LINGO2: variants seen among roughly 807,000 people sequenced by gnomAD.
LINGO2 encodes the protein leucine rich repeat and Ig domain containing 2, also known as leucine-rich repeat and immunoglobulin-like domain-containing nogo receptor-interacting protein 2.
A neutral mutation model predicts 30.6 loss-of-function variants in LINGO2; 14 were observed. The ratio of observed to expected loss-of-function variants is 0.46; its 90% confidence interval spans 0.30 to 0.72. The LOEUF (loss-of-function observed/expected upper bound fraction) is 0.72, where lower values mean the gene tolerates loss of function less well. Ranked by LOEUF, LINGO2 falls within the 30% of genes least tolerant of loss-of-function variation. LINGO2 has a pLI of 0.07. For missense variants in LINGO2, 729 were observed against 751.7 expected (o/e 0.97, Z 0.35); for synonymous variants, 317 against 288.5 (o/e 1.10, Z -1.00).
the LINGO2 span, among the ~76,000 whole-genome samples, chr9:28,904,937 A>G: frequency 6.6e-6 from 1 of 152,048 alleles, no homozygotes; most frequent in Non-Finnish European, 1.5e-5. Context: ...GACACTGACC[A>G]AGGAAACACA....
intron 4 of LINGO2, among the ~76,000 whole-genome samples, chr9:28,150,678 G>A (rs1587091517): frequency 2.6e-5 from 4 of 152,146 alleles, no homozygotes; most frequent in South Asian, 4.1e-4. Context: ...CTTTTTCCTC[G>A]ACTGTAAGAT....
chr9:28,343,054 C>T (rs1022944881), intron 3 of LINGO2, among the ~76,000 whole-genome samples: 6 of 152,092 alleles, frequency 3.9e-5, no homozygotes, highest in Admixed American at 3.9e-4. Context: ...CCCAGGGTTT[C>T]CATATGGTCA....
intron 1 of LINGO2, among the ~76,000 whole-genome samples, chr9:28,527,375 C>A (rs2135418083): frequency 6.6e-6 from 1 of 152,240 alleles, no homozygotes; most frequent in Non-Finnish European, 1.5e-5. Flanking sequence ...GCCAACTATT[C>A]TTTGAGATTC....
At chr9:28,442,359 G>C (rs2135023509) in intron 2 of LINGO2, among the ~76,000 whole-genome samples, 1 of 151,236 alleles carries the variant, frequency 6.6e-6, no homozygotes, top group Non-Finnish European at 1.5e-5. Context: ...TATGCTAAGA[G>C]TACATCATAA....
rs536049188 is a variant in LINGO2, at chr9:28,206,225, G to C, written c.-87+88983C>G. Reference sequence around the variant, plus strand: ...AAGAAATTATATCTCAGGAATTTGAGTGTTTGACCTATAAAGTTGAGAATA... The same window carrying C: ...AAGAAATTATATCTCAGGAATTTGACTGTTTGACCTATAAAGTTGAGAATA... On this transcript the variant is annotated intron_variant, in intron 4 of 5. Transcript: ENST00000379992. Among the ~76,000 whole-genome samples, 193 of 148,932 alleles carry C rather than the reference G, an allele frequency of 1.3e-3. 3 individuals are homozygous for C. The South Asian group carries it at 0.035, about 27-fold the overall frequency.
chr9:27,948,082 G>A (rs1195563291), exon 6 of LINGO2: 2 of 152,152 alleles, frequency 1.3e-5, no homozygotes, highest in Admixed American at 6.5e-5. Flanking sequence ...ATTCCATTCT[G>A]TATCAAAACT....
chr9:27,962,500 C>T (rs187724509), intron 5 of LINGO2, among the ~76,000 whole-genome samples: 5 of 152,238 alleles, frequency 3.3e-5, no homozygotes, highest in African/African-American at 9.6e-5. Flanking sequence ...ATAAGCACCC[C>T]GGCAAGCCTG....
the LINGO2 span, among the ~76,000 whole-genome samples, chr9:28,965,523 T>C: frequency 1.3e-5 from 2 of 152,024 alleles, no homozygotes; most frequent in African/African-American, 4.8e-5. Flanking sequence ...CTGTAATTAA[T>C]GCTTAATTTT....
rs1435405248 is a variant in LINGO2 at position 28,147,587 on chromosome 9, G to A, written c.-86-135182C>T. Among the ~76,000 whole-genome samples the A allele has an allele frequency of 1.3e-5, 2 of 152,088 alleles. No homozygotes were observed. Among genetic ancestry groups the A allele is most frequent in the African/African-American group, 4.8e-5 (2 of 41,422 alleles). On this transcript the variant is annotated intron_variant, in intron 4 of 5. Transcript: ENST00000379992. This position sits in a 1 kb window ranked among gnomAD's most constrained non-coding sequence, Gnocchi z 4.7. ...CTTCCAGGTTCTGGCCCTGTAACCC[G>A]GGGGACAGGGCCGGCCAAGACAGGG...
the LINGO2 span, among the ~76,000 whole-genome samples, chr9:28,810,822 C>G: frequency 8.9e-3 from 1,360 of 152,178 alleles, 22 homozygotes; most frequent in African/African-American, 0.032. Flanking sequence ...CTCTAGTATT[C>G]TTCAATCTTA....
the LINGO2 span, among the ~76,000 whole-genome samples, chr9:28,999,091 C>A: frequency 2.0e-4 from 30 of 152,152 alleles, no homozygotes; most frequent in African/African-American, 7.0e-4. Context: ...GTTTAGTGAT[C>A]ATTTATTCCT....
At chr9:28,918,360 T>C in the LINGO2 span, among the ~76,000 whole-genome samples, 4 of 152,176 alleles carry the variant, frequency 2.6e-5, no homozygotes, top group African/African-American at 7.2e-5. Flanking sequence ...ATGGGAATTA[T>C]GGGAGTACAA....
At chr9:28,414,353 G>T (rs1822889109) in intron 2 of LINGO2, among the ~76,000 whole-genome samples, 1 of 151,922 alleles carries the variant, frequency 6.6e-6, no homozygotes, top group East Asian at 1.9e-4. Context: ...GTACATATAT[G>T]TAAATATATA....
At chr9:29,041,421 G>T in the LINGO2 span, among the ~76,000 whole-genome samples, 7 of 151,952 alleles carry the variant, frequency 4.6e-5, no homozygotes, top group Admixed American at 4.6e-4. Context: ...TACTCTATCC[G>T]ATAGTAAGGC....
At chr9:28,941,516 G>A in the LINGO2 span, among the ~76,000 whole-genome samples, 2 of 152,074 alleles carry the variant, frequency 1.3e-5, no homozygotes. Context: ...AGGCAAAAAT[G>A]TATACATATT....
the LINGO2 span, among the ~76,000 whole-genome samples, chr9:29,074,681 T>A: frequency 4.3e-5 from 3 of 70,478 alleles, no homozygotes; most frequent in Non-Finnish European, 8.8e-5. Context: ...TTACTTACTT[T>A]TTTTTTTTTT....
chr9:28,179,000 G>C (rs1386462289), intron 4 of LINGO2, among the ~76,000 whole-genome samples: 1 of 152,048 alleles, frequency 6.6e-6, no homozygotes, highest in African/African-American at 2.4e-5. Flanking sequence ...GACAAATTGA[G>C]ACTCAAAGGA....
intron 3 of LINGO2, among the ~76,000 whole-genome samples, chr9:28,338,314 A>G (rs192043519): frequency 6.6e-6 from 1 of 152,304 alleles, no homozygotes; most frequent in East Asian, 1.9e-4. Flanking sequence ...TATTTACCCA[A>G]TCCCTGTAAC....
chr9:28,877,355 G>C, the LINGO2 span, among the ~76,000 whole-genome samples: 9 of 151,382 alleles, frequency 5.9e-5, 1 homozygote, highest in Admixed American at 1.3e-4. Flanking sequence ...GTAATGCCTA[G>C]GTTTTCTTCT....
Sources: allele counts gnomAD v4.1 joint callset (sites outside exome capture counted in the v4.1 genomes callset), GRCh38; gene constraint gnomAD v4.1.1; non-coding constraint Gnocchi (gnomAD v3.1); transcripts MANE v1.5; gene names NCBI Gene and HGNC (gene_info 2026-07-23, HGNC 2026-07-21).